The following ADARB1 variants were observed in gnomAD, a reference collection of about 807,000 sequenced individuals.
ADARB1 encodes adenosine deaminase RNA specific B1.
ADARB1 carries 10 observed loss-of-function variants against 52.4 expected under a neutral mutation model. The ratio of observed to expected loss-of-function variants is 0.19; its 90% CI spans 0.12 to 0.32. ADARB1 has a LOEUF of 0.32. Ranked by LOEUF, ADARB1 falls within the 10% of genes least tolerant of loss-of-function variation. ADARB1 has a pLI of 1.00. For synonymous variants in ADARB1, 349 were observed against 371.1 expected, an observed-to-expected ratio of 0.94 and a Z score of 0.68; for missense variants, 643 against 922.3, an observed-to-expected ratio of 0.70 and a Z score of 3.92.
intron 1 of ADARB1, among the ~76,000 whole-genome samples, chr21:45,090,830 C>T (rs535917984): frequency 3.9e-5 from 6 of 152,324 alleles, no homozygotes; most frequent in East Asian, 1.9e-4. Context: ...TGCAGCTCTA[C>T]GTTTTCCCCC....
chr21:45,170,150 T>G (rs1239488039), intron 2 of ADARB1, among the ~76,000 whole-genome samples: 1 of 152,268 alleles, frequency 6.6e-6, no homozygotes, highest in Admixed American at 6.5e-5. Context: ...TTTGTTGGTT[T>G]TGTCTACACT....
At chr21:45,096,640 G>C (rs2086773567) in intron 1 of ADARB1, among the ~76,000 whole-genome samples, 1 of 152,206 alleles carries the variant, frequency 6.6e-6, no homozygotes, top group Admixed American at 6.5e-5. Flanking sequence ...GTCGTTCCTA[G>C]GGGCGATCAT....
At chr21:45,093,614 G>A (rs1023563113) in intron 1 of ADARB1, among the ~76,000 whole-genome samples, 4 of 152,214 alleles carry the variant, frequency 2.6e-5, no homozygotes, top group African/African-American at 9.6e-5. Flanking sequence ...TCTTCTCTCA[G>A]GAAGAGGCCC....
chr21:45,129,145 C>T (rs1364123000), intron 2 of ADARB1, among the ~76,000 whole-genome samples: 1 of 151,970 alleles, frequency 6.6e-6, no homozygotes. Context: ...AGGAGAATCG[C>T]TTGAACCCGG....
chr21:45,104,415 G>A (rs142177566), intron 1 of ADARB1, among the ~76,000 whole-genome samples: 1 of 152,274 alleles, frequency 6.6e-6, no homozygotes, highest in Non-Finnish European at 1.5e-5. Context: ...TCCTGGGATA[G>A]AGTGAGTTCC....
At chr21:45,088,674 T>A (rs2123671439) in intron 1 of ADARB1, among the ~76,000 whole-genome samples, 1 of 152,290 alleles carries the variant, frequency 6.6e-6, no homozygotes, top group South Asian at 2.1e-4. Context: ...AGAAACAGGA[T>A]ATTTGCCTAG....
chr21:45,150,723 T>C (rs1241993716), intron 2 of ADARB1, among the ~76,000 whole-genome samples: 1 of 152,148 alleles, frequency 6.6e-6, no homozygotes, highest in Non-Finnish European at 1.5e-5. Context: ...AGATGCTGCT[T>C]TGCCTGGCGG....
At chr21:45,185,375 A>G (rs2092069140) in intron 8 of ADARB1, among the ~76,000 whole-genome samples, 1 of 152,220 alleles carries the variant, frequency 6.6e-6, no homozygotes, top group Non-Finnish European at 1.5e-5. Flanking sequence ...GGTTAAACTG[A>G]TGTTTTTAAT....
chr21:45,134,627 A>G lies in ADARB1; in HGVS notation c.-48+6054A>G, dbSNP rs1463109710. 3 of 402,926 alleles carry G rather than the reference A, an allele frequency of 7.4e-6. 1 individual carries two copies. The highest frequency in any genetic ancestry group is 5.5e-5 in the South Asian group (3 of 54,624). 25.0% of individuals were successfully genotyped at this position (402,926 alleles called of 1,614,324 possible). On this transcript the variant is annotated intron_variant, in intron 2 of 10. Transcript: ENST00000348831. ...TGTTCAGGGTCCATAGTACATGAAG[A>G]ATCCTACAGATCCCTATGGACAAGG...
At chr21:45,184,881 T>C in intron 7 of ADARB1, 42 bp from the exon 8 acceptor site, 1 of 1,538,786 alleles carries the variant, frequency 6.5e-7, no homozygotes, top group Non-Finnish European at 8.9e-7. Context: ...ATCAAATAGA[T>C]GGTTTACTAC....
Position 45,176,410 on chromosome 21 carries a change from G to T in ADARB1, c.709G>T (p.Val237Leu). ...PFPPPSGKNP[V>L]MILNELRPGL... ...CCCACCCCCGAGTGGGAAGAATCCC[G>T]TGATGATCTTGAACGAACTGCGCCC... Residue 237 changes from valine to leucine, a missense_variant, in exon 4 of 11, where the codon GTG (valine) becomes TTG (leucine). Physicochemically the swap from Val to Leu is conservative, Grantham distance 32. This residue lies in a region of ADARB1 where 380 missense variants were observed against 446.5 expected (regional missense o/e 0.85). Coordinates refer to ENST00000348831, the MANE Select transcript of ADARB1 (RefSeq NM_001112.4). This position sits in a 1 kb window ranked among gnomAD's most constrained non-coding sequence, Gnocchi z 5.8. 2 of 1,614,156 alleles carry T rather than the reference G, an allele frequency of 1.2e-6. No individual in the cohort carries two copies. Among genetic ancestry groups the T allele is most frequent in the South Asian group, 2.2e-5 (2 of 91,084 alleles).
At chr21:45,182,081 G>A (rs1470911259) in intron 5 of ADARB1, among the ~76,000 whole-genome samples, 2 of 152,228 alleles carry the variant, frequency 1.3e-5, no homozygotes, top group Non-Finnish European at 2.9e-5. Flanking sequence ...ATTTCACTCC[G>A]AGTGTGGTTA....
chr21:45,126,807 A>G (rs555530452), intron 1 of ADARB1, among the ~76,000 whole-genome samples: 26 of 151,712 alleles, frequency 1.7e-4, no homozygotes, highest in African/African-American at 6.0e-4. Context: ...TCCAAAACCC[A>G]CTCTGCATAT....
chr21:45,164,520 C>A (rs548453417), intron 2 of ADARB1, among the ~76,000 whole-genome samples: 1 of 48,262 alleles, frequency 2.1e-5, no homozygotes, highest in African/African-American at 6.8e-5. Flanking sequence ...TTGCACTGTG[C>A]GTGGAGGGAG....
At position 45,176,783 on chromosome 21, in the gene ADARB1, C is replaced by A; in HGVS notation, c.963+119C>A. On this transcript the variant is annotated intron_variant, in intron 4 of 10. Coordinates refer to ENST00000348831, the MANE Select transcript of ADARB1 (RefSeq NM_001112.4). The surrounding 1 kb of genome is among the most constrained non-coding windows in gnomAD (Gnocchi z 5.8). The stretch of plus-strand genomic sequence containing the variant: ...CCACCTTGACATCACTCTGTCCCCA[C>A]CAGGAGGAGTTACTGGTAAGTCTGG... 1 of 1,147,890 alleles carries A rather than the reference C, an allele frequency of 8.7e-7. No homozygotes were observed. The highest frequency in any genetic ancestry group is 1.2e-6 in the Non-Finnish European group (1 of 833,838). The allele number at this position is 1,147,890 out of a possible 1,614,324, so 71.1% of individuals were successfully genotyped here.
intron 3 of ADARB1, among the ~76,000 whole-genome samples, chr21:45,175,021 C>T (rs572411274): frequency 1.3e-5 from 2 of 152,232 alleles, no homozygotes; most frequent in Non-Finnish European, 2.9e-5. Context: ...AGTCAGCCCC[C>T]ATATATAATA....
rs2093038517 is a variant in ADARB1, at chr21:45,224,965, TTTAGA to T, written c.*2769_*2773del. 5.1e-6 allele frequency: 5 copies of T among 985,384 alleles called. No homozygotes were observed. The East Asian group carries it at 5.7e-4, about 111-fold the overall frequency. 61.0% of individuals were successfully genotyped at this position (985,384 alleles called of 1,614,324 possible). On this transcript the variant is annotated 3_prime_UTR_variant, in exon 11 of 11. Coordinates refer to ENST00000348831, the MANE Select transcript of ADARB1 (RefSeq NM_001112.4). ...TCCATCCAGTGTCCTTGATGTGGCT[TTTAGA>T]GACTTAGCAGAAAATTCGACACAAG...
chr21:45,121,913 A>G (rs755696609), intron 1 of ADARB1, among the ~76,000 whole-genome samples: 53 of 152,196 alleles, frequency 3.5e-4, no homozygotes, highest in Non-Finnish European at 6.0e-4. Flanking sequence ...CTCTCGGGCC[A>G]TCAACTTTTT....
intron 1 of ADARB1, among the ~76,000 whole-genome samples, chr21:45,110,816 A>G (rs2087499351): frequency 6.6e-6 from 1 of 152,174 alleles, no homozygotes; most frequent in Non-Finnish European, 1.5e-5. Flanking sequence ...TGCTTCCTAA[A>G]TGCAGTGGGC....
Sources: gnomAD v4.1 joint callset for allele counts (sites outside exome capture counted in the v4.1 genomes callset) on GRCh38, gnomAD v4.1.1 for gene constraint, gnomAD v4.1.1 regional missense constraint, Gnocchi (gnomAD v3.1) non-coding constraint, MANE v1.5 for transcripts, NCBI Gene and HGNC (gene_info 2026-07-23, HGNC 2026-07-21) for gene names.